Variants in SMCO4 observed in about 807,000 individuals in gnomAD.
The protein encoded by SMCO4 is single-pass membrane and coiled-coil domain-containing protein 4.
A neutral mutation model predicts 3.6 loss-of-function variants in SMCO4; 4 were observed. The ratio of observed to expected loss-of-function variants is 1.11; its 90% CI spans 0.54 to 2.53. The LOEUF is 2.53. SMCO4 is among the 30% of genes most tolerant of loss of function. The pLI is 0.02. For synonymous variants in SMCO4, 36 were observed against 35.3 expected, an observed-to-expected ratio of 1.02 and a Z score of -0.07; for missense variants, 70 against 80.8, an observed-to-expected ratio of 0.87 and a Z score of 0.51.
At chr11:93,538,819 C>T (rs1949249624) in intron 1 of SMCO4, among the ~76,000 whole-genome samples, 1 of 152,120 alleles carries the variant, frequency 6.6e-6, no homozygotes, top group Non-Finnish European at 1.5e-5. Flanking sequence ...CTGTTCAGGC[C>T]CTCATCTCTC....
intron 1 of SMCO4, among the ~76,000 whole-genome samples, chr11:93,518,348 T>C (rs930782227): frequency 2.0e-5 from 3 of 152,248 alleles, no homozygotes; most frequent in Admixed American, 2.0e-4. Flanking sequence ...TGTCTATCCA[T>C]GTATCCACTG....
At position 93,534,215 on chromosome 11, in the gene SMCO4, TACACACACACACACACACAC is replaced by T. The variant is rs71064754; in HGVS notation, c.-154+9041_-154+9060del. ...CAAAAAAAAAAAAAAAATATATATA[TACACACACACACACACACAC>T]ACACACACACACACACACACACACA... On this transcript the variant is annotated intron_variant, in intron 1 of 2. Coordinates refer to ENST00000298966, the MANE Select transcript of SMCO4 (RefSeq NM_020179.3). Among the ~76,000 whole-genome samples the T allele has an allele frequency of 1.3e-4, 17 of 128,416 alleles. 1 individual carries two copies. In the East Asian group the frequency reaches 1.6e-3, roughly 12 times the overall value. 84.2% of individuals were successfully genotyped at this position (128,416 alleles called of 152,430 possible). A position where few individuals can be genotyped will look rare whatever the true frequency, so the allele number is the denominator to read the frequency against.
chr11:93,523,579 A>G (rs1453792170), intron 1 of SMCO4, among the ~76,000 whole-genome samples: 1 of 152,082 alleles, frequency 6.6e-6, no homozygotes, highest in Non-Finnish European at 1.5e-5. Flanking sequence ...GAATCGCCTG[A>G]GCCTGGGAGG....
intron 2 of SMCO4, 81 bp from the exon 3 acceptor site, chr11:93,479,350 A>G: frequency 7.8e-7 from 1 of 1,281,716 alleles, no homozygotes; most frequent in Non-Finnish European, 1.0e-6. Context: ...ATACACAACT[A>G]GGAAAAATAT....
At chr11:93,509,601 C>T (rs920562302) in intron 1 of SMCO4, among the ~76,000 whole-genome samples, 4 of 152,330 alleles carry the variant, frequency 2.6e-5, no homozygotes, top group Middle Eastern at 3.4e-3. Flanking sequence ...GATAAAGAAA[C>T]TGTGCTATAC....
chr11:93,516,189 C>T (rs1949006246), intron 1 of SMCO4, among the ~76,000 whole-genome samples: 1 of 152,112 alleles, frequency 6.6e-6, no homozygotes, highest in African/African-American at 2.4e-5. Flanking sequence ...ACCAAGAACA[C>T]AGGAGACCAA....
At chr11:93,552,278 T>C in the SMCO4 span, among the ~76,000 whole-genome samples, 1 of 150,456 alleles carries the variant, frequency 6.6e-6, no homozygotes, top group East Asian at 2.0e-4. Context: ...TAATTGGGAT[T>C]ACAGGCATGC....
intron 1 of SMCO4, among the ~76,000 whole-genome samples, chr11:93,536,685 G>T (rs1342654680): frequency 2.6e-5 from 4 of 152,176 alleles, no homozygotes; most frequent in African/African-American, 9.7e-5. Flanking sequence ...GAGGGGTGCT[G>T]GGTGAAGGGG....
chr11:93,536,497 C>T (rs1352235249), intron 1 of SMCO4, among the ~76,000 whole-genome samples: 1 of 152,160 alleles, frequency 6.6e-6, no homozygotes. Flanking sequence ...GAGCTACATG[C>T]ATGAAAAGCT....
rs945488600 is a variant in SMCO4, at chr11:93,520,628, A to G, written c.-153-21280T>C. 1.1e-4 allele frequency among the ~76,000 whole-genome samples: 16 copies of G among 152,366 alleles called. No homozygotes were observed. The East Asian group carries it at 2.9e-3, about 28-fold the overall frequency. The stretch of plus-strand genomic sequence containing the variant: ...TATAAACCAGCAAGTTTTGACCATT[A>G]GATAATTTTTCACATATACTACCTT... On this transcript the variant is annotated intron_variant, in intron 1 of 2. Transcript: ENST00000298966.
chr11:93,553,596 TA>T, the SMCO4 span, among the ~76,000 whole-genome samples: 1 of 152,236 alleles, frequency 6.6e-6, no homozygotes. Flanking sequence ...TTCACTGCTT[TA>T]AAATTACAGT....
At chr11:93,490,384 C>A (rs1405537831) in intron 2 of SMCO4, among the ~76,000 whole-genome samples, 1 of 152,070 alleles carries the variant, frequency 6.6e-6, no homozygotes, top group Non-Finnish European at 1.5e-5. Context: ...TAAGAGGGTC[C>A]AAAACAATGG....
intron 1 of SMCO4, among the ~76,000 whole-genome samples, chr11:93,528,841 C>T (rs1160190552): frequency 1.3e-5 from 2 of 152,214 alleles, no homozygotes; most frequent in Non-Finnish European, 2.9e-5. Context: ...TCTCAGGGTT[C>T]TAAGTGAAAT....
intron 1 of SMCO4, chr11:93,537,717 G>C (rs2134639520): frequency 6.6e-6 from 1 of 151,952 alleles, no homozygotes; most frequent in East Asian, 2.0e-4. Flanking sequence ...CCCCACAAAA[G>C]AAACAACTGG....
At chr11:93,542,010 C>T (rs1238441458) in intron 1 of SMCO4, among the ~76,000 whole-genome samples, 3 of 151,724 alleles carry the variant, frequency 2.0e-5, no homozygotes, top group Admixed American at 2.0e-4. Context: ...ACATCTAGGA[C>T]GAGAATAAGG....
intron 2 of SMCO4, among the ~76,000 whole-genome samples, chr11:93,479,900 C>G (rs1256845902): frequency 6.6e-6 from 1 of 152,044 alleles, no homozygotes; most frequent in Admixed American, 6.5e-5. Context: ...CAGAGGTCAC[C>G]GTCTAGGGGG....
chr11:93,547,144 T>C (rs976994059), upstream of SMCO4, among the ~76,000 whole-genome samples: 3 of 152,208 alleles, frequency 2.0e-5, no homozygotes, highest in African/African-American at 4.8e-5. Flanking sequence ...CTTATGGAGA[T>C]TTGATTCCTA....
intron 1 of SMCO4, among the ~76,000 whole-genome samples, chr11:93,529,731 A>T (rs1158834891): frequency 6.6e-6 from 1 of 152,236 alleles, no homozygotes; most frequent in Admixed American, 6.5e-5. Context: ...TGATTCCCCC[A>T]GTAACTGGGC....
chr11:93,514,374 CTATATATATATA>C (rs148462986), intron 1 of SMCO4, among the ~76,000 whole-genome samples: 516 of 39,014 alleles, frequency 0.013, 13 homozygotes, highest in African/African-American at 0.031. Context: ...CAGGATGAGG[CTATATATATATA>C]TATATATATA....
Sources: gnomAD v4.1 joint callset for allele counts (sites outside exome capture counted in the v4.1 genomes callset) on GRCh38, gnomAD v4.1.1 for gene constraint, MANE v1.5 for transcripts, NCBI Gene and HGNC (gene_info 2026-07-23, HGNC 2026-07-21) for gene names.